The following TCF20 variants were observed in gnomAD, a reference collection of about 807,000 sequenced individuals.
TCF20 encodes SPRE-binding protein.
Under a neutral mutation model 148.6 loss-of-function variants are expected in TCF20, and 3 were observed. That is an observed-to-expected ratio of 0.02 (90% confidence interval 0.01 to 0.05). The LOEUF (loss-of-function observed/expected upper bound fraction) is 0.05. Ranked by LOEUF, TCF20 falls within the 10% of genes least tolerant of loss-of-function variation. The probability of loss-of-function intolerance (pLI) is 1.00; values close to 1 mark genes in which losing one functional copy is unlikely to be tolerated. For missense variants in TCF20, 2,350 were observed against 2,429.3 expected (o/e 0.97, Z 0.69); for synonymous variants, 1,049 against 909.5 (o/e 1.15, Z -2.76).
upstream of TCF20, among the ~76,000 whole-genome samples, chr22:42,273,360 C>CAAAAAAAAAAA (rs35166029): frequency 1.6e-5 from 1 of 61,266 alleles, no homozygotes; most frequent in African/African-American, 6.3e-5. Context: ...AACTCCGTCT[C>CAAAAAAAAAAA]AAAAAAAAAA....
rs1291414350 is a variant in TCF20, at chr22:42,212,528, C to T, written c.2778G>A (p.Gly926=). Residue 926 remains glycine (G), a synonymous_variant, in exon 2 of 6, where the codon GGG becomes GGA. Coordinates refer to ENST00000677622, the MANE Select transcript of TCF20 (RefSeq NM_001378418.1). ...SMETKLKSQS[G]QIKEEDFEQS... ...GTTCAAAGTCTTCCTCTTTTATCTG[C>T]CCGCTCTGGGATTTCAGCTTGGTTT... 2 of 1,614,070 alleles carry T rather than the reference C, an allele frequency of 1.2e-6. No homozygotes were observed. The highest frequency in any genetic ancestry group is 1.7e-6 in the Non-Finnish European group (2 of 1,179,906).
intron 3 of TCF20, among the ~76,000 whole-genome samples, chr22:42,173,930 A>C (rs1936286992): frequency 6.6e-6 from 1 of 152,198 alleles, no homozygotes. Flanking sequence ...TCTGTTAAAT[A>C]GAGATGCTAC....
intron 2 of TCF20, among the ~76,000 whole-genome samples, chr22:42,191,177 AGTTT>A (rs1204262547): frequency 6.6e-6 from 1 of 152,248 alleles, no homozygotes; most frequent in Non-Finnish European, 1.5e-5. Context: ...ATGTATACGT[AGTTT>A]GTTATAATGT....
intron 2 of TCF20, among the ~76,000 whole-genome samples, chr22:42,182,105 C>G (rs2147101474): frequency 6.6e-6 from 1 of 152,270 alleles, no homozygotes; most frequent in African/African-American, 2.4e-5. Context: ...CTAAATCACC[C>G]AAACCCAGGA....
In TCF20 at chr22:42,323,470, G is replaced by C. The variant is rs138470595; in HGVS notation, c.-37+20009C>G. Among the ~76,000 whole-genome samples the C allele has an allele frequency of 1.8e-3, 271 of 151,904 alleles. 1 individual carries two copies. Among genetic ancestry groups the C allele is most frequent in the African/African-American group, 6.3e-3 (260 of 41,516 alleles). Reference sequence around the variant, plus strand: ...CACCTGTCAGCTGAGGGAACAGGAGGACGGTGGAAGAGATGGGAGTGCTAC... The same window carrying C: ...CACCTGTCAGCTGAGGGAACAGGAGCACGGTGGAAGAGATGGGAGTGCTAC... On this transcript the variant is annotated intron_variant, in intron 1 of 1. Coordinates refer to the TCF20 transcript ENST00000515426.
At chr22:42,236,305 G>A (rs1345709285) in intron 1 of TCF20, among the ~76,000 whole-genome samples, 1 of 152,184 alleles carries the variant, frequency 6.6e-6, no homozygotes, top group Non-Finnish European at 1.5e-5. Context: ...TGGTGTAACA[G>A]CACTCTGTGA....
intron 1 of TCF20, among the ~76,000 whole-genome samples, chr22:42,265,795 C>A (rs1378968378): frequency 6.6e-6 from 1 of 152,178 alleles, no homozygotes; most frequent in Non-Finnish European, 1.5e-5. Flanking sequence ...CAAAATGATT[C>A]TAGTGCATTG....
chr22:42,306,704 G>A (rs1927440744), intron 1 of TCF20, among the ~76,000 whole-genome samples: 1 of 152,180 alleles, frequency 6.6e-6, no homozygotes, highest in Non-Finnish European at 1.5e-5. Flanking sequence ...GCATTTTACT[G>A]AGCAGGAAAT....
intron 1 of TCF20, among the ~76,000 whole-genome samples, chr22:42,342,835 G>C (rs1294301572): frequency 6.6e-6 from 1 of 152,062 alleles, no homozygotes; most frequent in Non-Finnish European, 1.5e-5. Context: ...TAATCCCCTC[G>C]GGCACCGTGG....
chr22:42,281,340 G>A (rs551073631), intron 1 of TCF20, among the ~76,000 whole-genome samples: 9 of 152,288 alleles, frequency 5.9e-5, no homozygotes, highest in South Asian at 2.1e-4. Context: ...CAAAGAAGGC[G>A]AGTTTGCAAT....
intron 1 of TCF20, among the ~76,000 whole-genome samples, chr22:42,226,283 T>C (rs1314193653): frequency 1.3e-5 from 2 of 152,224 alleles, no homozygotes; most frequent in Admixed American, 6.5e-5. Flanking sequence ...TGAGATGTCA[T>C]TGAATATATT....
At chr22:42,242,412 A>G (rs1352857065) in intron 1 of TCF20, among the ~76,000 whole-genome samples, 1 of 151,890 alleles carries the variant, frequency 6.6e-6, no homozygotes, top group Non-Finnish European at 1.5e-5. Flanking sequence ...TCTATTATCT[A>G]GAATGTCTTC....
At chr22:42,172,866 T>C (rs1393067918) in intron 3 of TCF20, among the ~76,000 whole-genome samples, 1 of 152,216 alleles carries the variant, frequency 6.6e-6, no homozygotes, top group Non-Finnish European at 1.5e-5. Flanking sequence ...AGCCCCACCC[T>C]GCCTTGCCGA....
At chr22:42,195,280 T>TG (rs1937533716) in intron 2 of TCF20, among the ~76,000 whole-genome samples, 1 of 151,426 alleles carries the variant, frequency 6.6e-6, no homozygotes, top group African/African-American at 2.4e-5. Flanking sequence ...CCCTCTATAA[T>TG]GAAGGCAAAA....
At chr22:42,222,776 G>A (rs1453939063) in intron 1 of TCF20, among the ~76,000 whole-genome samples, 1 of 152,204 alleles carries the variant, frequency 6.6e-6, no homozygotes, top group Admixed American at 6.5e-5. Flanking sequence ...CAGAGAATGT[G>A]TTGGCTTTAC....
upstream of TCF20, among the ~76,000 whole-genome samples, chr22:42,284,798 C>T (rs560805222): frequency 1.3e-5 from 2 of 152,358 alleles, no homozygotes; most frequent in Admixed American, 6.5e-5. Flanking sequence ...CTACTACCTG[C>T]AAGCCCAGCA....
chr22:42,267,221 C>G (rs1926334546), intron 1 of TCF20, among the ~76,000 whole-genome samples: 1 of 151,546 alleles, frequency 6.6e-6, no homozygotes, highest in Non-Finnish European at 1.5e-5. Flanking sequence ...GAGCCAAGAT[C>G]GCACCACTGC....
In TCF20 at chr22:42,214,338, T is replaced by G; in HGVS notation, c.968A>C (p.His323Pro). ...ATACTGCATCACATGCTGAGAAGGGTGTTGTTGTTGCTGCGGTTGCTGCTG... is the reference window on the plus strand; with the variant it reads ...ATACTGCATCACATGCTGAGAAGGGGGTTGTTGTTGCTGCGGTTGCTGCTG... Reference protein sequence around the residue: ...QQQQQPQQQQHPSQHVMQYTN... With the variant: ...QQQQQPQQQQPPSQHVMQYTN... Residue 323 changes from histidine to proline, a missense_variant, in exon 2 of 6, where the codon CAC becomes CCC. Around this residue, in one of 7 missense-constraint regions of TCF20, gnomAD observed 1,641 missense variants for 1,662.6 expected, o/e 0.99. Transcript: ENST00000677622. 1.2e-6 allele frequency: 2 copies of G among 1,609,308 alleles called. No individual in the cohort carries two copies. The highest frequency in any genetic ancestry group is 1.7e-6 in the Non-Finnish European group (2 of 1,175,938).
chr22:42,297,173 C>T lies in TCF20; in HGVS notation c.-37+46306G>A, dbSNP rs1927251623. 6.6e-6 allele frequency among the ~76,000 whole-genome samples: 1 copy of T among 152,214 alleles called. No individual in the cohort carries two copies. The highest frequency in any genetic ancestry group is 2.4e-5 in the African/African-American group (1 of 41,462). ...CCCATACCCACAATGGATGGCCCAG[C>T]TGGGCGACCTTGGGCAAGGAGGCTG... On this transcript the variant is annotated intron_variant, in intron 1 of 1. Transcript: ENST00000515426. This position sits in a 1 kb window ranked among gnomAD's most constrained non-coding sequence, Gnocchi z 4.3.
Sources: allele counts gnomAD v4.1 joint callset (sites outside exome capture counted in the v4.1 genomes callset), GRCh38; gene constraint gnomAD v4.1.1; regional missense constraint gnomAD v4.1.1; non-coding constraint Gnocchi (gnomAD v3.1); transcripts MANE v1.5; gene names NCBI Gene and HGNC (gene_info 2026-07-23, HGNC 2026-07-21).